The following MGAM2 variants were observed in gnomAD, a reference collection of about 807,000 sequenced individuals.
MGAM2 encodes the protein probable maltase-glucoamylase 2.
MGAM2 carries 98 observed loss-of-function variants against 96.1 expected under a neutral mutation model. That is an observed-to-expected ratio of 1.02 (90% confidence interval 0.87 to 1.21). MGAM2 has a LOEUF of 1.21. Among genes scored for constraint, MGAM2 ranks in the 50% most tolerant of loss-of-function variants. The pLI is 0.00. For synonymous variants in MGAM2, 749 were observed against 414.8 expected, an observed-to-expected ratio of 1.81 and a Z score of -9.79; for missense variants, 2,055 against 1,182.4, an observed-to-expected ratio of 1.74 and a Z score of -10.82.
intron 19 of MGAM2, 26 bp from the exon 20 acceptor site, chr7:142,159,261 G>T: frequency 1.4e-6 from 1 of 701,220 alleles, no homozygotes; most frequent in Non-Finnish European, 2.6e-6. Flanking sequence ...GTATGCTAAT[G>T]CTACTCATTA....
At chr7:142,150,082 C>G (rs1795525591) in intron 15 of MGAM2, among the ~76,000 whole-genome samples, 1 of 152,032 alleles carries the variant, frequency 6.6e-6, no homozygotes, top group African/African-American at 2.4e-5. Context: ...GCTAGGATTA[C>G]AGGCATGCGC....
intron 7 of MGAM2, among the ~76,000 whole-genome samples, chr7:142,135,789 C>T (rs1316282288): frequency 4.0e-5 from 6 of 151,016 alleles, no homozygotes; most frequent in Non-Finnish European, 5.9e-5. Context: ...ATCACAGCTT[C>T]GTCACAGATT....
chr7:142,149,229 C>A (rs916944557), intron 15 of MGAM2, among the ~76,000 whole-genome samples: 4 of 147,680 alleles, frequency 2.7e-5, no homozygotes, highest in African/African-American at 5.0e-5. Context: ...AACTCCGTCT[C>A]AAAAAAAAAA....
chr7:142,154,859 A>G lies in MGAM2; in HGVS notation c.1923+14A>G, dbSNP rs11770705. ...CCTGGGTTCAGGGTAAGGTCACCAA[A>G]AGAAGTGATGGAAACTTTTTGGATT... On this transcript the variant is annotated intron_variant, in intron 17 of 47. Transcript: ENST00000477922. The G allele has an allele frequency of 0.29, 206,138 of 702,302 alleles. 32,224 individuals are homozygous for G. The highest frequency in any genetic ancestry group is 0.32 in the Non-Finnish European group (124,701 of 384,502). The allele number at this position is 702,302 out of a possible 1,614,324, so 43.5% of individuals were successfully genotyped here.
Position 142,173,231 on chromosome 7 carries a change from G to A in MGAM2, c.3564G>A (p.Leu1188=), listed in dbSNP as rs1183605399. Reference sequence around the variant, plus strand: ...ATGCATTTTTCTTTTTATTCTAGTTGATTGGTCGGCCAGCAATGATTCCAT... The same window carrying A: ...ATGCATTTTTCTTTTTATTCTAGTTAATTGGTCGGCCAGCAATGATTCCAT... ...PELVTQQYTE[L]IGRPAMIPYW... is the part of the protein sequence containing the mutation. Residue 1188 remains leucine (L), a splice_region_variant and synonymous_variant, in exon 31 of 48, where the codon TTG becomes TTA. Coordinates refer to ENST00000477922, the MANE Select transcript of MGAM2 (RefSeq NM_001293626.2). 1.4e-6 allele frequency: 1 copy of A among 702,774 alleles called. No individual in the cohort carries two copies. The allele number at this position is 702,774 out of a possible 1,614,324, so 43.5% of individuals were successfully genotyped here. A position where few individuals can be genotyped will look rare whatever the true frequency, so the allele number is the denominator to read the frequency against.
chr7:142,195,400 G>A (rs1026966782), intron 37 of MGAM2, among the ~76,000 whole-genome samples: 7 of 124,734 alleles, frequency 5.6e-5, no homozygotes, highest in Non-Finnish European at 9.4e-5. Context: ...CTATCACCTA[G>A]GCTGAAGGGC....
chr7:142,128,214 G>A (rs1794782449), intron 3 of MGAM2, among the ~76,000 whole-genome samples: 1 of 152,220 alleles, frequency 6.6e-6, no homozygotes, highest in Non-Finnish European at 1.5e-5. Flanking sequence ...AAGCAGCAAA[G>A]TGTTCAAGAG....
intron 46 of MGAM2, among the ~76,000 whole-genome samples, chr7:142,209,157 T>A (rs1479289303): frequency 3.3e-5 from 5 of 152,194 alleles, no homozygotes; most frequent in African/African-American, 1.2e-4. Context: ...GGGGGTCAGC[T>A]GACTCTCATA....
chr7:142,136,585 T>C lies in MGAM2; in HGVS notation c.792T>C (p.Leu264=). The C allele has an allele frequency of 1.4e-6, 1 of 702,880 alleles. No homozygotes were observed. Among genetic ancestry groups the C allele is most frequent in the Non-Finnish European group, 2.6e-6 (1 of 384,606 alleles). 43.5% of individuals were successfully genotyped at this position (702,880 alleles called of 1,614,324 possible). ...LYGAHTFFLC[L]EDARGSSFGV... ...GAGCTCATACATTCTTCTTGTGCCT[T>C]GAAGATGCCAGGGGCTCCTCTTTTG... The change falls in exon 8 of 48, where the codon CTT becomes CTC. Residue 264 remains leucine, a synonymous_variant. Transcript: ENST00000477922.
intron 10 of MGAM2, among the ~76,000 whole-genome samples, 156 bp from the exon 11 acceptor site, chr7:142,140,646 T>C (rs1002828680): frequency 3.3e-5 from 5 of 152,158 alleles, no homozygotes; most frequent in Admixed American, 6.5e-5. Flanking sequence ...CTTTCAAAGA[T>C]AGCTTATTTT....
At chr7:142,174,275 T>A (rs1796294330) in intron 31 of MGAM2, among the ~76,000 whole-genome samples, 1 of 152,204 alleles carries the variant, frequency 6.6e-6, no homozygotes, top group African/African-American at 2.4e-5. Context: ...CTGGGCAGTA[T>A]GGTCATTTTA....
chr7:142,154,651 T>G (rs996976178), intron 16 of MGAM2, 78 bp from the exon 17 acceptor site: 127 of 677,170 alleles, frequency 1.9e-4, no homozygotes, highest in Non-Finnish European at 3.1e-4. Context: ...GGTTCTCTTT[T>G]CCCTTATCAT....
rs550285973 is a variant in MGAM2 at position 142,130,030 on chromosome 7, A to C, written c.187-918A>C. ...GTGTTTATTCTAACACAGTGGTCTC[A>C]GTTGCCATTTGTTTTATTTATCATA... On this transcript the variant is annotated intron_variant, in intron 3 of 47. Coordinates refer to ENST00000477922, the MANE Select transcript of MGAM2 (RefSeq NM_001293626.2). Among the ~76,000 whole-genome samples the C allele has an allele frequency of 3.9e-5, 6 of 152,150 alleles. No individual in the cohort carries two copies. The East Asian group carries it at 1.2e-3, about 29-fold the overall frequency.
chr7:142,122,015 T>C (rs1489898281), intron 3 of MGAM2, among the ~76,000 whole-genome samples: 1 of 152,160 alleles, frequency 6.6e-6, no homozygotes, highest in South Asian at 2.1e-4. Context: ...TATTGATATA[T>C]GTTAGGAACC....
At position 142,154,218 on chromosome 7, in the gene MGAM2, T is replaced by TA. The variant is rs1217142558; in HGVS notation, c.1806+31dup. 3 of 557,868 alleles carry TA rather than the reference T, an allele frequency of 5.4e-6. No homozygotes were observed. In the Admixed American group the frequency reaches 7.9e-5, roughly 15 times the overall value. 34.6% of individuals were successfully genotyped at this position (557,868 alleles called of 1,614,324 possible). A position where few individuals can be genotyped will look rare whatever the true frequency, so the allele number is the denominator to read the frequency against. ...AGCCTTATTTCCAACCAGGGAACTT[T>TA]AACCCTTTGTCTGTTGACATTCTTT... is the stretch of plus-strand genomic sequence containing the variant. On this transcript the variant is annotated intron_variant, in intron 16 of 47. Transcript: ENST00000477922.
At chr7:142,138,711 A>G in intron 10 of MGAM2, 44 bp downstream of exon 10, 1 of 667,628 alleles carries the variant, frequency 1.5e-6, no homozygotes, top group Non-Finnish European at 2.7e-6. Flanking sequence ...ACCAATTCCC[A>G]TTTTTATTTT....
At chr7:142,164,192 T>C (rs1029278252) in intron 23 of MGAM2, among the ~76,000 whole-genome samples, 45 of 152,200 alleles carry the variant, frequency 3.0e-4, no homozygotes, top group Non-Finnish European at 7.3e-5. Flanking sequence ...CGACTTCTAA[T>C]TTTTTAAGTT....
chr7:142,131,750 C>T, intron 5 of MGAM2, 123 bp downstream of exon 5: 1 of 620,126 alleles, frequency 1.6e-6, no homozygotes, highest in Admixed American at 2.7e-5. Flanking sequence ...ATGGCATGGG[C>T]AGGCTAATTT....
chr7:142,167,126 A>G, intron 25 of MGAM2, 142 bp from the exon 26 acceptor site: 1 of 572,626 alleles, frequency 1.7e-6, no homozygotes, highest in Non-Finnish European at 3.1e-6. Flanking sequence ...GTTAGGACTT[A>G]ACATCTTTTT....
Sources: gnomAD v4.1 joint callset for allele counts (sites outside exome capture counted in the v4.1 genomes callset) on GRCh38, gnomAD v4.1.1 for gene constraint, MANE v1.5 for transcripts, NCBI Gene and HGNC (gene_info 2026-07-23, HGNC 2026-07-21) for gene names.